Variants in OTUB2 observed in about 807,000 individuals in gnomAD.
OTUB2 encodes ubiquitin thioesterase OTUB2.
Under a neutral mutation model 25.1 loss-of-function variants are expected in OTUB2, and 21 were observed. That is an observed-to-expected ratio of 0.84 (90% CI 0.59 to 1.21). The LOEUF is 1.21. OTUB2 is among the 50% of genes most tolerant of loss of function. The probability of loss-of-function intolerance (pLI) is 0.00; values close to 1 mark genes in which losing one functional copy is unlikely to be tolerated. For missense variants in OTUB2, 283 were observed against 298.0 expected, an observed-to-expected ratio of 0.95 and a Z score of 0.37; for synonymous variants, 122 against 122.8, an observed-to-expected ratio of 0.99 and a Z score of 0.04.
At chr14:94,027,924 C>T (rs913184326) in intron 1 of OTUB2, among the ~76,000 whole-genome samples, 1 of 152,240 alleles carries the variant, frequency 6.6e-6, no homozygotes, top group East Asian at 1.9e-4. Context: ...GTTTCTGCAT[C>T]ACCCACCAGG....
chr14:94,026,593 C>CGGGGGGGGGGGGGGGG, intron 1 of OTUB2, 53 bp downstream of exon 1: 6 of 408,328 alleles, frequency 1.5e-5, no homozygotes, highest in Non-Finnish European at 2.1e-5. Flanking sequence ...GCGCGGTGGG[C>CGGGGGGGGGGGGGGGG]GGGGTCGCTG....
chr14:94,043,605 T>C (rs1043454844), intron 3 of OTUB2, among the ~76,000 whole-genome samples: 2 of 152,226 alleles, frequency 1.3e-5, no homozygotes, highest in African/African-American at 4.8e-5. Flanking sequence ...GCGGGAGGCC[T>C]GATGTGTGTT....
At chr14:94,035,008 C>T (rs993581375) in intron 1 of OTUB2, among the ~76,000 whole-genome samples, 9 of 152,204 alleles carry the variant, frequency 5.9e-5, no homozygotes, top group African/African-American at 2.2e-4. Flanking sequence ...TGGGTCACAG[C>T]TGATGAGACA....
intron 1 of OTUB2, among the ~76,000 whole-genome samples, chr14:94,027,301 G>T (rs1043150175): frequency 1.3e-5 from 2 of 152,204 alleles, no homozygotes; most frequent in Admixed American, 1.3e-4. Context: ...TCTCAGTTCA[G>T]TGCTCTTTGT....
In OTUB2 at chr14:94,046,489, TAAG is replaced by T. The variant is rs1885278856; in HGVS notation, c.*568_*570del. The T allele has an allele frequency of 6.6e-6, 1 of 152,086 alleles. No homozygotes were observed. The highest frequency in any genetic ancestry group is 1.5e-5 in the Non-Finnish European group (1 of 68,162). 9.4% of individuals were successfully genotyped at this position (152,086 alleles called of 1,614,324 possible). On this transcript the variant is annotated 3_prime_UTR_variant, in exon 6 of 6. Transcript: ENST00000203664. The stretch of plus-strand genomic sequence containing the variant: ...TGGATGTATTTTCCTACCCCTAACT[TAAG>T]GAGAAAAAAAAAAAGACTTCCTTTT...
rs1210492916 is a variant in OTUB2 at position 94,048,038 on chromosome 14, G to A, written c.*2116G>A. The A allele has an allele frequency of 6.6e-6, 1 of 152,126 alleles. No individual in the cohort carries two copies. Among genetic ancestry groups the A allele is most frequent in the Non-Finnish European group, 1.5e-5 (1 of 68,022 alleles). 9.4% of individuals were successfully genotyped at this position (152,126 alleles called of 1,614,324 possible). On this transcript the variant is annotated 3_prime_UTR_variant, in exon 6 of 6. Transcript: ENST00000203664. ...TTGCAAAAAACCACTGGCCAAATCC[G>A]AACCATTGCCCTTGTTTCCCCCACG...
intron 1 of OTUB2, among the ~76,000 whole-genome samples, chr14:94,032,018 G>A (rs904827162): frequency 2.0e-5 from 3 of 152,208 alleles, no homozygotes; most frequent in African/African-American, 7.2e-5. Flanking sequence ...GTAAATTGAG[G>A]GTGTGCCTGG....
intron 4 of OTUB2, among the ~76,000 whole-genome samples, chr14:94,044,295 G>A (rs150673971): frequency 1.8e-4 from 27 of 152,300 alleles, no homozygotes; most frequent in Admixed American, 4.6e-4. Flanking sequence ...ACTCTCAGAC[G>A]CTTGCCACTC....
chr14:94,034,064 AAG>A (rs1249786600), intron 1 of OTUB2, among the ~76,000 whole-genome samples: 1 of 152,246 alleles, frequency 6.6e-6, no homozygotes, highest in Non-Finnish European at 1.5e-5. Context: ...CACTCTTGAG[AAG>A]AGAGACTAGC....
At chr14:94,032,599 G>GATGGGTGGA (rs939214252) in intron 1 of OTUB2, among the ~76,000 whole-genome samples, 1 of 152,136 alleles carries the variant, frequency 6.6e-6, no homozygotes. Context: ...AAAGCTTTGG[G>GATGGGTGGA]ATGGGTGGGG....
intron 1 of OTUB2, among the ~76,000 whole-genome samples, chr14:94,032,729 A>G (rs927964821): frequency 1.3e-5 from 2 of 152,200 alleles, no homozygotes; most frequent in Non-Finnish European, 2.9e-5. Flanking sequence ...AAAAACAAAT[A>G]TATCTAGAAA....
At chr14:94,034,289 C>T (rs1439501435) in intron 1 of OTUB2, among the ~76,000 whole-genome samples, 1 of 152,186 alleles carries the variant, frequency 6.6e-6, no homozygotes, top group Non-Finnish European at 1.5e-5. Context: ...CACTGAGCCC[C>T]CAGGATCAGG....
rs987641801 is a variant in OTUB2 at position 94,047,652 on chromosome 14, G to C, written c.*1730G>C. 3 of 152,254 alleles carry C rather than the reference G, an allele frequency of 2.0e-5. No individual in the cohort carries two copies. The highest frequency in any genetic ancestry group is 2.9e-5 in the Non-Finnish European group (2 of 68,056). 9.4% of individuals were successfully genotyped at this position (152,254 alleles called of 1,614,324 possible). Reference sequence around the variant, plus strand: ...GATCCCTGTTTCCCAACTGAAAGGTGTGAACGGACACACACACAGCCTGGA... The same window carrying C: ...GATCCCTGTTTCCCAACTGAAAGGTCTGAACGGACACACACACAGCCTGGA... On this transcript the variant is annotated 3_prime_UTR_variant, in exon 6 of 6. Transcript: ENST00000203664.
chr14:94,042,953 A>T (rs975141717), intron 3 of OTUB2, among the ~76,000 whole-genome samples: 2 of 152,184 alleles, frequency 1.3e-5, no homozygotes, highest in African/African-American at 4.8e-5. Context: ...CATCCCTCCA[A>T]TCCAGGCACC....
At chr14:94,041,576 C>T (rs753370700) in intron 3 of OTUB2, among the ~76,000 whole-genome samples, 14 of 152,128 alleles carry the variant, frequency 9.2e-5, no homozygotes, top group Non-Finnish European at 1.6e-4. Flanking sequence ...ACACAAAAAC[C>T]GAGACCATGT....
chr14:94,042,261 G>C (rs948199658), intron 3 of OTUB2, among the ~76,000 whole-genome samples: 2 of 152,146 alleles, frequency 1.3e-5, no homozygotes, highest in African/African-American at 4.8e-5. Flanking sequence ...TCCCACACAG[G>C]CTTGTGTGCA....
Position 94,031,315 on chromosome 14 carries a change from C to T in OTUB2, c.3+4775C>T, listed in dbSNP as rs576617064. ...ATGTCACATATCATACCCCTGAGTA[C>T]ACATCTGAAGGGATATTTCCTTCCA... On this transcript the variant is annotated intron_variant, in intron 1 of 5. Coordinates refer to ENST00000203664, the MANE Select transcript of OTUB2 (RefSeq NM_023112.4). 3.3e-5 allele frequency among the ~76,000 whole-genome samples: 5 copies of T among 152,176 alleles called. No individual in the cohort carries two copies. In the South Asian group the frequency reaches 1.0e-3, roughly 32 times the overall value.
At position 94,046,120 on chromosome 14, in the gene OTUB2, G is replaced by A. The variant is rs1267245790; in HGVS notation, c.*198G>A. On this transcript the variant is annotated 3_prime_UTR_variant, in exon 6 of 6. Transcript: ENST00000203664. ...AGGATTTTTAGTATTTATTTTAATGGAGGGACAAATGCTTTCTAACTGGGC... is the reference window on the plus strand; with the variant it reads ...AGGATTTTTAGTATTTATTTTAATGAAGGGACAAATGCTTTCTAACTGGGC... 7.6e-6 allele frequency: 5 copies of A among 661,672 alleles called. No individual in the cohort carries two copies. The highest frequency in any genetic ancestry group is 2.8e-5 in the Admixed American group (1 of 35,228). The allele number at this position is 661,672 out of a possible 1,614,324, so 41.0% of individuals were successfully genotyped here.
Position 94,045,991 on chromosome 14 carries a change from C to T in OTUB2, c.*69C>T. ...GCATTCTGAATGGAACATTCCGGCT[C>T]TTCAATTTTTTAAGCAATTTAGACT... is the stretch of plus-strand genomic sequence containing the variant. On this transcript the variant is annotated 3_prime_UTR_variant, in exon 6 of 6. Transcript: ENST00000203664. The T allele has an allele frequency of 6.5e-7, 1 of 1,534,152 alleles. No homozygotes were observed. The highest frequency in any genetic ancestry group is 2.3e-5 in the East Asian group (1 of 43,974).
Sources: gnomAD v4.1 joint callset for allele counts (sites outside exome capture counted in the v4.1 genomes callset) on GRCh38, gnomAD v4.1.1 for gene constraint, MANE v1.5 for transcripts, NCBI Gene and HGNC (gene_info 2026-07-23, HGNC 2026-07-21) for gene names.